DNAJC1: variants seen among roughly 807,000 people sequenced by gnomAD.
DNAJC1 encodes the protein DnaJ heat shock protein family (Hsp40) member C1.
DNAJC1 carries 58 observed loss-of-function variants against 76.6 expected under a neutral mutation model. The observed-to-expected ratio is 0.76, with a 90% CI of 0.61 to 0.94. The LOEUF (loss-of-function observed/expected upper bound fraction) is 0.94. Among genes scored for constraint, DNAJC1 ranks in the 40% least tolerant of loss-of-function variants. The pLI, the probability that DNAJC1 is intolerant of heterozygous loss-of-function variation, is 0.00. For synonymous variants in DNAJC1, 258 were observed against 267.9 expected, an observed-to-expected ratio of 0.96 and a Z score of 0.36; for missense variants, 689 against 677.3, an observed-to-expected ratio of 1.02 and a Z score of -0.19.
intron 1 of DNAJC1, among the ~76,000 whole-genome samples, chr10:21,977,901 T>C (rs1564843289): frequency 6.6e-6 from 1 of 152,170 alleles, no homozygotes; most frequent in Non-Finnish European, 1.5e-5. Flanking sequence ...TAAATTTCTT[T>C]TCAAAGTGAC....
At chr10:21,826,600 C>T (rs939394466) in intron 8 of DNAJC1, among the ~76,000 whole-genome samples, 2 of 152,136 alleles carry the variant, frequency 1.3e-5, no homozygotes, top group Non-Finnish European at 2.9e-5. Flanking sequence ...AGAAGCTTTC[C>T]TTCTATGTTT....
At chr10:21,819,550 G>T (rs1016207159) in intron 8 of DNAJC1, among the ~76,000 whole-genome samples, 6 of 152,158 alleles carry the variant, frequency 3.9e-5, no homozygotes, top group Admixed American at 1.3e-4. Flanking sequence ...GTGGCCTTTA[G>T]AAGTTATTTA....
rs1834655740 is a variant in DNAJC1 at position 21,789,620 on chromosome 10, A to G, written c.1098+16360T>C. ...AGATAGATAATTCAACAAAACTAGGAAAAAAAATCATGATATAAATTAGAA... is the reference window on the plus strand; with the variant it reads ...AGATAGATAATTCAACAAAACTAGGGAAAAAAATCATGATATAAATTAGAA... On this transcript the variant is annotated intron_variant, in intron 9 of 11. Coordinates refer to ENST00000376980, the MANE Select transcript of DNAJC1 (RefSeq NM_022365.4). Among the ~76,000 whole-genome samples, 3 of 152,124 alleles carry G rather than the reference A, an allele frequency of 2.0e-5. No homozygotes were observed. The South Asian group carries it at 6.2e-4, about 32-fold the overall frequency.
At chr10:21,973,503 C>A (rs1273867649) in intron 1 of DNAJC1, among the ~76,000 whole-genome samples, 3 of 152,106 alleles carry the variant, frequency 2.0e-5, no homozygotes, top group African/African-American at 7.2e-5. Flanking sequence ...TTGGCTAGAA[C>A]CCATCTTCTC....
intron 1 of DNAJC1, among the ~76,000 whole-genome samples, chr10:21,990,760 G>T (rs1564846940): frequency 6.6e-6 from 1 of 152,164 alleles, no homozygotes; most frequent in Non-Finnish European, 1.5e-5. Context: ...TTTTCCCTCA[G>T]CATAGAATGT....
chr10:21,920,827 C>T lies in DNAJC1; in HGVS notation c.508G>A (p.Val170Ile), dbSNP rs1245281644. The T allele has an allele frequency of 6.2e-7, 1 of 1,612,624 alleles. No homozygotes were observed. Among genetic ancestry groups the T allele is most frequent in the South Asian group, 1.1e-5 (1 of 90,910 alleles). The change falls in exon 4 of 12, where the codon GTT becomes ATT. Residue 170 changes from valine (V) to isoleucine (I), a missense_variant. Val to Ile is a conservative substitution (Grantham distance 29). Coordinates refer to ENST00000376980, the MANE Select transcript of DNAJC1 (RefSeq NM_022365.4). ...TGTTTTTCCAGGTAGATTGACCAAA[C>T]CACAGCATAATGACCCACTGTGAGA... ...IILTVGHYAV[V>I]WSIYLEKQLD...
chr10:21,860,146 G>T, intron 8 of DNAJC1, among the ~76,000 whole-genome samples: 1 of 149,442 alleles, frequency 6.7e-6, no homozygotes, highest in African/African-American at 2.5e-5. Flanking sequence ...TCTTCACTTT[G>T]GTTTATACTA....
chr10:21,988,014 T>C (rs528973871), intron 1 of DNAJC1, among the ~76,000 whole-genome samples: 301 of 152,312 alleles, frequency 2.0e-3, no homozygotes, highest in Non-Finnish European at 3.1e-3. Context: ...TCACATATAT[T>C]ACTACTGATT....
intron 10 of DNAJC1, among the ~76,000 whole-genome samples, chr10:21,760,696 T>C (rs1735202597): frequency 6.6e-6 from 1 of 152,232 alleles, no homozygotes; most frequent in South Asian, 2.1e-4. Context: ...TAAACTTTAA[T>C]ATAAATAGCT....
At chr10:21,788,981 CCCTGGTG>C (rs1474388664) in intron 9 of DNAJC1, among the ~76,000 whole-genome samples, 1 of 152,118 alleles carries the variant, frequency 6.6e-6, no homozygotes, top group Non-Finnish European at 1.5e-5. Flanking sequence ...CACCCCAAGA[CCCTGGTG>C]CCAGAATAAG....
intron 8 of DNAJC1, among the ~76,000 whole-genome samples, chr10:21,864,857 C>T (rs1256556685): frequency 1.3e-5 from 2 of 152,082 alleles, no homozygotes; most frequent in African/African-American, 4.8e-5. Flanking sequence ...GCACGTCTAT[C>T]TGATTTATAT....
intron 8 of DNAJC1, among the ~76,000 whole-genome samples, chr10:21,850,099 A>G (rs981046837): frequency 6.6e-6 from 1 of 152,178 alleles, no homozygotes; most frequent in Non-Finnish European, 1.5e-5. Context: ...GTTTAAACAT[A>G]GTACTGGAAG....
At chr10:21,937,053 T>C (rs779332960) in intron 1 of DNAJC1, among the ~76,000 whole-genome samples, 22 of 152,166 alleles carry the variant, frequency 1.4e-4, no homozygotes, top group Admixed American at 2.6e-4. Context: ...ACTGACAGGT[T>C]CTTAGAAACT....
intron 8 of DNAJC1, among the ~76,000 whole-genome samples, chr10:21,847,875 T>G (rs929161646): frequency 6.6e-6 from 1 of 152,142 alleles, no homozygotes; most frequent in African/African-American, 2.4e-5. Context: ...GACACTTAGG[T>G]TGATTTTGTT....
intron 8 of DNAJC1, among the ~76,000 whole-genome samples, chr10:21,810,467 G>C (rs1310094209): frequency 6.6e-6 from 1 of 152,076 alleles, no homozygotes; most frequent in Non-Finnish European, 1.5e-5. Flanking sequence ...ATTCTGTCTT[G>C]CCTTAATTCC....
chr10:21,838,324 C>A (rs1358746372), intron 8 of DNAJC1, among the ~76,000 whole-genome samples: 1 of 152,136 alleles, frequency 6.6e-6, no homozygotes, highest in Admixed American at 6.5e-5. Context: ...TAACCTTACC[C>A]CCAACCCCGT....
chr10:21,938,054 A>C (rs891050254), intron 1 of DNAJC1, among the ~76,000 whole-genome samples: 1 of 152,154 alleles, frequency 6.6e-6, no homozygotes, highest in African/African-American at 2.4e-5. Context: ...AGACTAAAAT[A>C]GGAAAGGCCA....
At chr10:21,767,545 C>A (rs1834315943) in intron 9 of DNAJC1, among the ~76,000 whole-genome samples, 1 of 152,174 alleles carries the variant, frequency 6.6e-6, no homozygotes, top group South Asian at 2.1e-4. Context: ...ACCTCAGCCT[C>A]CTGAGTAGCT....
intron 8 of DNAJC1, among the ~76,000 whole-genome samples, chr10:21,826,595 C>T (rs1210629498): frequency 6.6e-6 from 1 of 152,064 alleles, no homozygotes; most frequent in East Asian, 1.9e-4. Context: ...TGTCAAGAAG[C>T]TTTCCTTCTA....
Sources: gnomAD v4.1 joint callset for allele counts (sites outside exome capture counted in the v4.1 genomes callset) on GRCh38, gnomAD v4.1.1 for gene constraint, MANE v1.5 for transcripts, NCBI Gene and HGNC (gene_info 2026-07-23, HGNC 2026-07-21) for gene names.